Variants in MBD5 observed in about 807,000 individuals in gnomAD.
MBD5 encodes methyl-CpG binding domain protein 5.
Under a neutral mutation model 117.3 loss-of-function variants are expected in MBD5, and 13 were observed. The ratio of observed to expected loss-of-function variants is 0.11; its 90% CI spans 0.07 to 0.18. MBD5 has a LOEUF of 0.18. Ranked by LOEUF, MBD5 falls within the 10% of genes least tolerant of loss-of-function variation. The pLI, the probability that MBD5 is intolerant of heterozygous loss-of-function variation, is 1.00. For synonymous variants in MBD5, 727 were observed against 766.4 expected (o/e 0.95, Z 0.85); for missense variants, 1,879 against 2,093.8 (o/e 0.90, Z 2.00).
chr2:148,470,583 A>C, intron 8 of MBD5, 122 bp downstream of exon 8: 2 of 784,958 alleles, frequency 2.5e-6, no homozygotes, highest in Non-Finnish European at 3.9e-6. Context: ...AATTCTCTTC[A>C]TTTCTTTAGT....
At chr2:148,154,224 G>T (rs1476949198) in intron 1 of MBD5, among the ~76,000 whole-genome samples, 1 of 151,768 alleles carries the variant, frequency 6.6e-6, no homozygotes, top group African/African-American at 2.4e-5. Flanking sequence ...TGCCCCTGCT[G>T]GGGGGTGCCT....
intron 3 of MBD5, among the ~76,000 whole-genome samples, chr2:148,239,273 C>T (rs556017321): frequency 2.3e-4 from 35 of 151,066 alleles, no homozygotes; most frequent in Middle Eastern, 3.4e-3. Context: ...CTTGATCATT[C>T]ATTTTCCTAT....
chr2:148,046,340 C>T (rs758445934), intron 1 of MBD5, among the ~76,000 whole-genome samples: 17 of 152,032 alleles, frequency 1.1e-4, no homozygotes, highest in Non-Finnish European at 1.5e-4. Context: ...ACAAGGTTTT[C>T]GAAGTTTTGT....
At chr2:148,105,047 C>A (rs1004695082) in intron 1 of MBD5, among the ~76,000 whole-genome samples, 2 of 151,864 alleles carry the variant, frequency 1.3e-5, no homozygotes, top group African/African-American at 4.8e-5. Flanking sequence ...TAGTATTATT[C>A]AGATTTTTCT....
At chr2:148,182,824 G>GACATTC (rs768758607) in intron 2 of MBD5, among the ~76,000 whole-genome samples, 68 of 152,124 alleles carry the variant, frequency 4.5e-4, no homozygotes, top group Non-Finnish European at 7.8e-4. Context: ...AGCCCACATT[G>GACATTC]ACATTCACAT....
At chr2:148,309,258 T>C (rs10206881) in intron 3 of MBD5, among the ~76,000 whole-genome samples, 30,844 of 152,166 alleles carry the variant, frequency 0.2, 3,262 homozygotes, top group African/African-American at 0.21. Flanking sequence ...ATGGCCATTT[T>C]CACGATATTG....
Position 148,305,087 on chromosome 2 carries a change from A to G in MBD5, c.-679-37127A>G, listed in dbSNP as rs1182472586. Among the ~76,000 whole-genome samples the G allele has an allele frequency of 2.6e-5, 4 of 152,022 alleles. No individual in the cohort carries two copies. In the East Asian group the frequency reaches 7.7e-4, roughly 29 times the overall value. On this transcript the variant is annotated intron_variant, in intron 3 of 13. Transcript: ENST00000642680. ...CTCAAAAAAAAAAAAATAAAATAAA[A>G]TAAAAGGCAGGCCATTTGATCAGAT... is the stretch of plus-strand genomic sequence containing the variant.
At chr2:148,169,459 T>C (rs1698204917) in intron 1 of MBD5, among the ~76,000 whole-genome samples, 1 of 152,164 alleles carries the variant, frequency 6.6e-6, no homozygotes, top group African/African-American at 2.4e-5. Flanking sequence ...CTTCTTCCTC[T>C]CAGAAAAATC....
At chr2:148,231,917 G>A (rs1699997273) in intron 2 of MBD5, among the ~76,000 whole-genome samples, 1 of 152,192 alleles carries the variant, frequency 6.6e-6, no homozygotes, top group Admixed American at 6.6e-5. Context: ...TATAGAGAAT[G>A]AAGGCCAATG....
At chr2:148,043,312 G>A (rs1256979231) in intron 1 of MBD5, among the ~76,000 whole-genome samples, 9 of 151,504 alleles carry the variant, frequency 5.9e-5, no homozygotes, top group African/African-American at 2.2e-4. Context: ...AATTAGCCGG[G>A]CATGGTAACG....
intron 3 of MBD5, among the ~76,000 whole-genome samples, chr2:148,336,416 T>C (rs1023907058): frequency 2.0e-5 from 3 of 152,198 alleles, no homozygotes; most frequent in Non-Finnish European, 4.4e-5. Flanking sequence ...AGACAGGATA[T>C]GGCTCTGTTG....
rs1681471795 is a variant in MBD5, at chr2:148,490,014, A to G, written c.4382A>G (p.His1461Arg). ...GGCCATATCCACAGTAGTCCTTGTC[A>G]TGAAAGGCCCAACAATGTCTCTACA... is the stretch of plus-strand genomic sequence containing the variant. ...HPGHIHSSPC[H>R]ERPNNVSTLP... Residue 1461 changes from histidine (H) to arginine (R), a missense_variant, in exon 11 of 14, where the codon CAT becomes CGT. Coordinates refer to ENST00000642680, the MANE Select transcript of MBD5 (RefSeq NM_001378120.1). 1.2e-6 allele frequency: 2 copies of G among 1,613,930 alleles called. No individual in the cohort carries two copies. Among genetic ancestry groups the G allele is most frequent in the African/African-American group, 2.7e-5 (2 of 74,882 alleles).
intron 4 of MBD5, among the ~76,000 whole-genome samples, chr2:148,365,909 T>C (rs1473640911): frequency 6.6e-6 from 1 of 151,198 alleles, no homozygotes; most frequent in Non-Finnish European, 1.5e-5. Flanking sequence ...AAAGAGGAGC[T>C]GGTACCATTC....
chr2:148,227,119 T>G (rs1043151281), intron 2 of MBD5, among the ~76,000 whole-genome samples: 12 of 152,230 alleles, frequency 7.9e-5, no homozygotes, highest in Non-Finnish European at 1.3e-4. Flanking sequence ...TTAGTTTAAT[T>G]AGATCCCATT....
intron 1 of MBD5, among the ~76,000 whole-genome samples, chr2:148,157,990 T>C (rs1697914840): frequency 6.6e-6 from 1 of 152,222 alleles, no homozygotes. Context: ...TAAATGTCAT[T>C]GAATTGTGCA....
At chr2:148,410,084 T>C (rs1233674739) in intron 4 of MBD5, among the ~76,000 whole-genome samples, 1 of 152,150 alleles carries the variant, frequency 6.6e-6, no homozygotes, top group African/African-American at 2.4e-5. Flanking sequence ...TTCCAAAGGA[T>C]ATGCACATTT....
intron 3 of MBD5, among the ~76,000 whole-genome samples, chr2:148,263,833 T>C (rs755755484): frequency 8.5e-5 from 13 of 152,364 alleles, no homozygotes; most frequent in East Asian, 1.9e-4. Context: ...TTTTTACATA[T>C]AGGCTCCTGT....
chr2:148,407,980 T>C (rs1390031950), intron 4 of MBD5, among the ~76,000 whole-genome samples: 1 of 152,154 alleles, frequency 6.6e-6, no homozygotes, highest in Non-Finnish European at 1.5e-5. Flanking sequence ...TCCCACACAT[T>C]ACATAACCTA....
At chr2:148,304,780 A>T (rs186488435) in intron 3 of MBD5, among the ~76,000 whole-genome samples, 3 of 152,214 alleles carry the variant, frequency 2.0e-5, no homozygotes, top group Admixed American at 1.3e-4. Flanking sequence ...TTTAAAAGGC[A>T]CGCCGGGCGC....
Sources: allele counts gnomAD v4.1 joint callset (sites outside exome capture counted in the v4.1 genomes callset), GRCh38; gene constraint gnomAD v4.1.1; transcripts MANE v1.5; gene names NCBI Gene and HGNC (gene_info 2026-07-23, HGNC 2026-07-21).